CENPN: variants seen among roughly 807,000 people sequenced by gnomAD.
CENPN encodes interphase centromere complex protein 32.
Under a neutral mutation model 48.6 loss-of-function variants are expected in CENPN, and 36 were observed. The ratio of observed to expected loss-of-function variants is 0.74; its 90% CI spans 0.57 to 0.98. CENPN has a LOEUF of 0.98. Ranked by LOEUF, CENPN falls within the 50% of genes least tolerant of loss-of-function variation. The probability of loss-of-function intolerance (pLI) is 0.00; values close to 1 mark genes in which losing one functional copy is unlikely to be tolerated. For synonymous variants in CENPN, 166 were observed against 135.2 expected, an observed-to-expected ratio of 1.23 and a Z score of -1.58; for missense variants, 439 against 399.2, an observed-to-expected ratio of 1.10 and a Z score of -0.85.
chr16:81,008,073 C>T (rs546843645), intron 1 of CENPN, among the ~76,000 whole-genome samples: 5 of 152,228 alleles, frequency 3.3e-5, no homozygotes, highest in African/African-American at 1.2e-4. Flanking sequence ...CGCCACTGCA[C>T]TGCACCCTGG....
intron 2 of CENPN, among the ~76,000 whole-genome samples, chr16:81,013,917 G>C (rs1401007482): frequency 6.6e-6 from 1 of 152,172 alleles, no homozygotes; most frequent in Non-Finnish European, 1.5e-5. Flanking sequence ...AAAGTTAAAA[G>C]TGATAAATGA....
At chr16:81,013,355 A>G (rs1245123689) in intron 2 of CENPN, among the ~76,000 whole-genome samples, 2 of 152,248 alleles carry the variant, frequency 1.3e-5, no homozygotes, top group Non-Finnish European at 2.9e-5. Flanking sequence ...AAAGCAGATC[A>G]GCGTTTGCCT....
At chr16:81,025,417 G>C (rs547038063) in intron 8 of CENPN, among the ~76,000 whole-genome samples, 31 of 152,182 alleles carry the variant, frequency 2.0e-4, no homozygotes, top group African/African-American at 2.2e-4. Context: ...TCTTAGTAGA[G>C]ATTTGGCAAT....
chr16:81,020,675 C>T (rs17738801), intron 6 of CENPN, among the ~76,000 whole-genome samples: 102 of 152,194 alleles, frequency 6.7e-4, no homozygotes, highest in Admixed American at 4.1e-3. Flanking sequence ...AAAAATGCAA[C>T]CGATACAGAA....
rs1970670453 is a variant in CENPN, at chr16:81,029,516, C to T, written c.*865C>T. 1 of 154,564 alleles carries T rather than the reference C, an allele frequency of 6.5e-6. No homozygotes were observed. Among genetic ancestry groups the T allele is most frequent in the South Asian group, 2.1e-4 (1 of 4,850 alleles). 9.6% of individuals were successfully genotyped at this position (154,564 alleles called of 1,614,324 possible). A position where few individuals can be genotyped will look rare whatever the true frequency, so the allele number is the denominator to read the frequency against. On this transcript the variant is annotated 3_prime_UTR_variant, in exon 11 of 11. Coordinates refer to ENST00000305850, the MANE Select transcript of CENPN (RefSeq NM_001100624.3). ...CCAGGCTCAAGTGATCCTTCCACCT[C>T]AGCCTCCCGAATAGCTGGGATTACA...
At chr16:81,026,672 A>C (rs544845311) in intron 9 of CENPN, 34 bp downstream of exon 9, 290 of 1,060,672 alleles carry the variant, frequency 2.7e-4, no homozygotes, top group Non-Finnish European at 3.8e-4. Context: ...AGTACAAGAT[A>C]TCAACATTGT....
chr16:81,028,899 C>T lies in CENPN; in HGVS notation c.*248C>T, dbSNP rs964767797. 1.9e-5 allele frequency: 22 copies of T among 1,167,518 alleles called. No homozygotes were observed. The highest frequency in any genetic ancestry group is 2.3e-5 in the Non-Finnish European group (22 of 946,950). The allele number at this position is 1,167,518 out of a possible 1,614,324, so 72.3% of individuals were successfully genotyped here. On this transcript the variant is annotated 3_prime_UTR_variant, in exon 11 of 11. Coordinates refer to ENST00000305850, the MANE Select transcript of CENPN (RefSeq NM_001100624.3). Reference sequence around the variant, plus strand: ...ATGACAGGACATATATATATATGGCCCCACACTTGACCTTGAGTGCCTGAA... The same window carrying T: ...ATGACAGGACATATATATATATGGCTCCACACTTGACCTTGAGTGCCTGAA...
chr16:81,022,985 A>G (rs1215910492), intron 7 of CENPN: 1 of 1,044,748 alleles, frequency 9.6e-7, no homozygotes, highest in Non-Finnish European at 1.3e-6. Context: ...TTCTCTTTAG[A>G]GAAACTTCAC....
At position 81,021,302 on chromosome 16, in the gene CENPN, T is replaced by C. The variant is rs543041782; in HGVS notation, c.531+1026T>C. 1.0e-3 allele frequency among the ~76,000 whole-genome samples: 157 copies of C among 152,326 alleles called. 1 individual carries two copies. The highest frequency in any genetic ancestry group is 3.7e-3 in the African/African-American group (154 of 41,570). On this transcript the variant is annotated intron_variant, in intron 6 of 10. Transcript: ENST00000305850. ...TCTCTTTATGGTTCTGCCTTTAATATCACAGGCTTCCTAGCATCTTTCCCC... is the reference window on the plus strand; with the variant it reads ...TCTCTTTATGGTTCTGCCTTTAATACCACAGGCTTCCTAGCATCTTTCCCC...
In CENPN at chr16:81,020,249, G is replaced by A; in HGVS notation, c.504G>A (p.Leu168=). Residue 168 remains leucine, a synonymous_variant, in exon 6 of 11, where the codon CTG becomes CTA. Coordinates refer to ENST00000305850, the MANE Select transcript of CENPN (RefSeq NM_001100624.3). ...TPYAFTSSSM[L]RRNTPLLGQA... The stretch of plus-strand genomic sequence containing the variant: ...ACGCCTTCACGTCCTCCTCCATGCT[G>A]AGGCGCAATACACCGCTTCTGGGTC... The A allele has an allele frequency of 1.2e-6, 2 of 1,612,790 alleles. No individual in the cohort carries two copies. The highest frequency in any genetic ancestry group is 2.7e-5 in the African/African-American group (2 of 74,952).
At chr16:81,011,798 T>G (rs1597306117) in intron 1 of CENPN, 132 bp from the exon 2 acceptor site, 4 of 695,118 alleles carry the variant, frequency 5.8e-6, no homozygotes, top group South Asian at 2.2e-5. Context: ...AGCCTAAGAG[T>G]TCAAGACCAA....
chr16:81,024,651 A>T, intron 7 of CENPN, 64 bp from the exon 8 acceptor site: 1 of 1,119,854 alleles, frequency 8.9e-7, no homozygotes. Context: ...TATACTAAAA[A>T]AAAAATTAAT....
At chr16:81,016,504 G>A (rs1969937423) in intron 3 of CENPN, among the ~76,000 whole-genome samples, 1 of 152,236 alleles carries the variant, frequency 6.6e-6, no homozygotes, top group Non-Finnish European at 1.5e-5. Context: ...GCTCACGCCT[G>A]TAATCCCAGC....
At chr16:81,024,583 C>CCAACT in intron 7 of CENPN, 132 bp from the exon 8 acceptor site, 1 of 576,592 alleles carries the variant, frequency 1.7e-6, no homozygotes, top group Non-Finnish European at 2.9e-6. Context: ...GCCAACTCAG[C>CCAACT]CAGGATATGG....
Position 81,024,673 on chromosome 16 carries a change from A to G in CENPN, c.634-42A>G, listed in dbSNP as rs751292492. 5 of 1,300,924 alleles carry G rather than the reference A, an allele frequency of 3.8e-6. No individual in the cohort carries two copies. The Admixed American group carries it at 8.2e-5, about 21-fold the overall frequency. 80.6% of individuals were successfully genotyped at this position (1,300,924 alleles called of 1,614,324 possible). On this transcript the variant is annotated intron_variant, in intron 7 of 10. Coordinates refer to ENST00000305850, the MANE Select transcript of CENPN (RefSeq NM_001100624.3). ...AAAAAAAAATTAATATCTGTACTTC[A>G]AGATGTCAAGATTAGTAAAATATTC...
chr16:81,017,764 A>G lies in CENPN; in HGVS notation c.284A>G (p.Asp95Gly). 1 of 1,589,136 alleles carries G rather than the reference A, an allele frequency of 6.3e-7. No homozygotes were observed. The highest frequency in any genetic ancestry group is 8.5e-7 in the Non-Finnish European group (1 of 1,169,884). ...VFQMSKGPGE[D>G]VDLFDMKQFK... ...TTTTTTTTCACTTTGGCAGGTGAAG[A>G]TGTTGACCTTTTTGATATGAAACAA... The change falls in exon 5 of 11, where the codon GAT (aspartate) becomes GGT (glycine). Residue 95 changes from aspartate (D) to glycine (G), a missense_variant. Asp to Gly is a moderately conservative substitution (Grantham distance 94, BLOSUM62 -1). Transcript: ENST00000305850.
intron 8 of CENPN, among the ~76,000 whole-genome samples, chr16:81,025,963 G>A (rs187509293): frequency 0.012 from 1,870 of 150,560 alleles, 37 homozygotes; most frequent in African/African-American, 0.043. Context: ...TCAGCCTCCT[G>A]AAGTGCTGGG....
intron 4 of CENPN, 79 bp downstream of exon 4, chr16:81,017,464 T>G: frequency 4.4e-6 from 4 of 913,644 alleles, no homozygotes; most frequent in Non-Finnish European, 7.2e-6. Context: ...GAGCTGAGAT[T>G]GCACCACTGC....
chr16:81,010,252 A>AAG (rs112085797), intron 1 of CENPN, among the ~76,000 whole-genome samples: 184 of 151,892 alleles, frequency 1.2e-3, no homozygotes, highest in African/African-American at 3.7e-3. Flanking sequence ...TCTGTATTTG[A>AAG]AGAGAGAGAG....
Sources: gnomAD v4.1 joint callset for allele counts (sites outside exome capture counted in the v4.1 genomes callset) on GRCh38, gnomAD v4.1.1 for gene constraint, MANE v1.5 for transcripts, NCBI Gene and HGNC (gene_info 2026-07-23, HGNC 2026-07-21) for gene names.